Variants in TRERF1 observed in about 807,000 individuals in gnomAD.
The protein encoded by TRERF1 is transcriptional-regulating factor 1.
A neutral mutation model predicts 122.9 loss-of-function variants in TRERF1; 27 were observed. That is an observed-to-expected ratio of 0.22 (90% CI 0.16 to 0.30). The LOEUF (loss-of-function observed/expected upper bound fraction) is 0.30, where lower values mean the gene tolerates loss of function less well. Ranked by LOEUF, TRERF1 falls within the 10% of genes least tolerant of loss-of-function variation. The pLI is 1.00. For synonymous variants in TRERF1, 636 were observed against 641.7 expected (o/e 0.99, Z 0.13); for missense variants, 1,248 against 1,560.3 (o/e 0.80, Z 3.37).
chr6:42,233,499 A>G (rs1035258108), intron 16 of TRERF1, among the ~76,000 whole-genome samples: 9 of 151,962 alleles, frequency 5.9e-5, no homozygotes, highest in African/African-American at 1.9e-4. Flanking sequence ...GTTAGCCAGG[A>G]TGGTCTCGAT....
In TRERF1 at chr6:42,323,301, C is replaced by T. The variant is rs148588361; in HGVS notation, c.-370-22552G>A. ...GCAACCTCTGCCTCCTGGGTTCAAA[C>T]GATTCTTCTGCCTCAGTCTCCCAAG... On this transcript the variant is annotated intron_variant, in intron 3 of 17. Coordinates refer to ENST00000372922, the Ensembl canonical transcript of TRERF1. 4.8e-3 allele frequency among the ~76,000 whole-genome samples: 722 copies of T among 151,140 alleles called. 7 individuals carry two copies. Among genetic ancestry groups the T allele is most frequent in the African/African-American group, 0.017 (690 of 41,172 alleles).
chr6:42,256,179 T>C (rs1400706822), intron 12 of TRERF1, among the ~76,000 whole-genome samples: 1 of 149,464 alleles, frequency 6.7e-6, no homozygotes, highest in East Asian at 2.0e-4. Context: ...AGGTCAACTG[T>C]TAGCTCTGAT....
At chr6:42,273,911 T>C (rs1051363534) in intron 4 of TRERF1, among the ~76,000 whole-genome samples, 17 of 152,262 alleles carry the variant, frequency 1.1e-4, no homozygotes, top group African/African-American at 3.6e-4. Context: ...GAATGGAAGC[T>C]AGATAATTGA....
At chr6:42,401,707 C>T (rs902056360) in intron 2 of TRERF1, among the ~76,000 whole-genome samples, 3 of 152,188 alleles carry the variant, frequency 2.0e-5, no homozygotes, top group Non-Finnish European at 4.4e-5. Context: ...CCACTCTCCA[C>T]ACCCTGCCCA....
At chr6:42,367,688 C>T (rs1773003969) in intron 2 of TRERF1, among the ~76,000 whole-genome samples, 1 of 152,154 alleles carries the variant, frequency 6.6e-6, no homozygotes, top group African/African-American at 2.4e-5. Flanking sequence ...CAAAGCCAGG[C>T]TCTGCTCACC....
intron 2 of TRERF1, among the ~76,000 whole-genome samples, chr6:42,384,760 A>G (rs1776510408): frequency 6.6e-6 from 1 of 151,966 alleles, no homozygotes; most frequent in Non-Finnish European, 1.5e-5. Flanking sequence ...CATACGCATC[A>G]GTTCAAATGT....
At position 42,259,509 on chromosome 6, in the gene TRERF1, T is replaced by A; in HGVS notation, c.2099A>T (p.Asp700Val). The A allele has an allele frequency of 1.9e-6, 3 of 1,611,964 alleles. No homozygotes were observed. The South Asian group carries it at 3.3e-5, about 18-fold the overall frequency. The change falls in exon 9 of 18, where the codon GAC becomes GTC. Residue 700 changes from aspartate to valine, a missense_variant. Around this residue, in one of 5 missense-constraint regions of TRERF1, gnomAD observed 946 missense variants for 1,073.0 expected, o/e 0.88. Transcript: ENST00000372922. The surrounding 1 kb of genome is among the most constrained non-coding windows in gnomAD (Gnocchi z 4.9). ...GTAAGGGGGCAGCTCGTGGGTGGGG[T>A]CCAGGAGCAGGTGGTCCCCGAGGAC...
chr6:42,282,879 C>A (rs1405083157), intron 4 of TRERF1, among the ~76,000 whole-genome samples: 2 of 152,140 alleles, frequency 1.3e-5, no homozygotes, highest in Non-Finnish European at 1.5e-5. Flanking sequence ...ACATTTTTGT[C>A]AACTGATCAG....
chr6:42,372,773 G>A (rs1354319364), intron 2 of TRERF1, among the ~76,000 whole-genome samples: 1 of 152,180 alleles, frequency 6.6e-6, no homozygotes, highest in Non-Finnish European at 1.5e-5. Context: ...GGGTTCAATG[G>A]GGTCAACTGG....
chr6:42,276,704 GCAT>G lies in TRERF1; in HGVS notation c.-258-6859_-258-6857del, dbSNP rs2149993889. Among the ~76,000 whole-genome samples, 1 of 152,344 alleles carries G rather than the reference GCAT, an allele frequency of 6.6e-6. No homozygotes were observed. Among genetic ancestry groups the G allele is most frequent in the South Asian group, 2.1e-4 (1 of 4,828 alleles). ...CATGTGCTGCCAATGACAGTGGTTA[GCAT>G]CTAAATCTTCCTCCCTGCAGTGAGT... On this transcript the variant is annotated intron_variant, in intron 4 of 17. Transcript: ENST00000372922. This position sits in a 1 kb window ranked among gnomAD's most constrained non-coding sequence, Gnocchi z 4.3.
chr6:42,278,114 G>A (rs899555874), intron 4 of TRERF1, among the ~76,000 whole-genome samples: 5 of 152,288 alleles, frequency 3.3e-5, no homozygotes, highest in South Asian at 4.1e-4. Context: ...TCTAGAGAGA[G>A]AGGCTGAATA....
intron 4 of TRERF1, among the ~76,000 whole-genome samples, chr6:42,299,455 T>C (rs145256549): frequency 1.3e-5 from 2 of 152,298 alleles, no homozygotes; most frequent in Admixed American, 1.3e-4. Flanking sequence ...CCAAACAGTA[T>C]TGCCTCAAAA....
chr6:42,324,791 T>C (rs566529012), intron 3 of TRERF1, among the ~76,000 whole-genome samples: 5 of 152,276 alleles, frequency 3.3e-5, no homozygotes, highest in Admixed American at 2.6e-4. Flanking sequence ...CCTAAAACTA[T>C]AAAAATCCTA....
chr6:42,256,600 G>A, intron 12 of TRERF1, 128 bp downstream of exon 12: 2 of 710,748 alleles, frequency 2.8e-6, no homozygotes, highest in Non-Finnish European at 4.9e-6. Context: ...GGAATAGGGA[G>A]GCGTGCTGAT....
At chr6:42,327,499 C>T (rs866108220) in intron 3 of TRERF1, among the ~76,000 whole-genome samples, 2 of 152,168 alleles carry the variant, frequency 1.3e-5, no homozygotes, top group South Asian at 2.1e-4. Flanking sequence ...AGAGCCTAGT[C>T]CATAATGAGG....
At chr6:42,343,618 A>G (rs1767711311) in intron 3 of TRERF1, among the ~76,000 whole-genome samples, 1 of 152,148 alleles carries the variant, frequency 6.6e-6, no homozygotes, top group Non-Finnish European at 1.5e-5. Flanking sequence ...TATCCTAAGG[A>G]CAGAGCGTAT....
At chr6:42,260,525 G>A (rs919041558) in intron 8 of TRERF1, among the ~76,000 whole-genome samples, 3 of 152,194 alleles carry the variant, frequency 2.0e-5, no homozygotes, top group Admixed American at 1.3e-4. Context: ...AGCAGGGCAT[G>A]CCAAAGCCAA....
chr6:42,381,281 A>T (rs184164917), intron 2 of TRERF1, among the ~76,000 whole-genome samples: 1 of 151,178 alleles, frequency 6.6e-6, no homozygotes, highest in Admixed American at 6.6e-5. Flanking sequence ...TGTCACCTCA[A>T]TGCATCCCAT....
At chr6:42,436,230 G>A (rs971227354) in intron 2 of TRERF1, among the ~76,000 whole-genome samples, 5 of 151,634 alleles carry the variant, frequency 3.3e-5, no homozygotes, top group African/African-American at 7.3e-5. Flanking sequence ...TTAGCTGGGC[G>A]TGGTGGCAGG....
Sources: allele counts gnomAD v4.1 joint callset (sites outside exome capture counted in the v4.1 genomes callset), GRCh38; gene constraint gnomAD v4.1.1; regional missense constraint gnomAD v4.1.1; non-coding constraint Gnocchi (gnomAD v3.1); transcripts MANE v1.5; gene names NCBI Gene and HGNC (gene_info 2026-07-23, HGNC 2026-07-21).